The following TSNAX variants were observed in gnomAD, a reference collection of about 807,000 sequenced individuals.
TSNAX encodes translin-associated protein X.
Under a neutral mutation model 33.0 loss-of-function variants are expected in TSNAX, and 12 were observed. That is an observed-to-expected ratio of 0.36 (90% confidence interval 0.23 to 0.59). TSNAX has a LOEUF of 0.59. TSNAX is among the 20% of genes least tolerant of loss of function. The pLI is 0.74. For missense variants in TSNAX, 267 were observed against 341.3 expected, an observed-to-expected ratio of 0.78 and a Z score of 1.72; for synonymous variants, 110 against 117.2, an observed-to-expected ratio of 0.94 and a Z score of 0.40.
At chr1:231,540,197 A>AAC (rs1211288815) in intron 3 of TSNAX, among the ~76,000 whole-genome samples, 1 of 150,886 alleles carries the variant, frequency 6.6e-6, no homozygotes, top group Non-Finnish European at 1.5e-5. Context: ...AAAAAAAAAA[A>AAC]ACTTTATGAA....
intron 4 of TSNAX, among the ~76,000 whole-genome samples, chr1:231,558,694 T>C (rs1660845912): frequency 6.6e-6 from 1 of 151,988 alleles, no homozygotes; most frequent in South Asian, 2.1e-4. Context: ...AAATGAGAAA[T>C]AGAGATTTTC....
intron 4 of TSNAX, among the ~76,000 whole-genome samples, chr1:231,548,880 C>T (rs993592445): frequency 6.6e-6 from 1 of 152,104 alleles, no homozygotes; most frequent in Non-Finnish European, 1.5e-5. Flanking sequence ...GAGAATAAAA[C>T]CAAAGGCTGG....
intron 3 of TSNAX, among the ~76,000 whole-genome samples, chr1:231,540,512 A>G (rs1659507685): frequency 2.0e-5 from 3 of 152,336 alleles, no homozygotes; most frequent in East Asian, 1.9e-4. Context: ...CAGAGAACAT[A>G]CTTTCTATAA....
intron 4 of TSNAX, 90 bp from the exon 5 acceptor site, chr1:231,561,038 C>G: frequency 7.6e-7 from 1 of 1,310,540 alleles, no homozygotes; most frequent in Non-Finnish European, 1.1e-6. Flanking sequence ...TTTTTTTGAA[C>G]TAGATGATGA....
intron 4 of TSNAX, among the ~76,000 whole-genome samples, chr1:231,548,295 A>T (rs1660082209): frequency 6.6e-6 from 1 of 152,268 alleles, no homozygotes; most frequent in Non-Finnish European, 1.5e-5. Flanking sequence ...CTATGTAAAC[A>T]GATGCCTGCA....
At position 231,528,835 on chromosome 1, in the gene TSNAX, C is replaced by CTTAACAACACGGGGCGTTA; in HGVS notation, c.16+12_16+30dup. 6.2e-7 allele frequency: 1 copy of CTTAACAACACGGGGCGTTA among 1,614,212 alleles called. No homozygotes were observed. The highest frequency in any genetic ancestry group is 8.5e-7 in the Non-Finnish European group (1 of 1,180,038). On this transcript the variant is annotated intron_variant, in intron 1 of 5. Coordinates refer to ENST00000366639, the MANE Select transcript of TSNAX (RefSeq NM_005999.3). ...CATGAGCAACAAAGAAGGTGGCGTC[C>CTTAACAACACGGGGCGTTA]TTAACAACACGGGGCGTTATTTATC... is the stretch of plus-strand genomic sequence containing the variant.
In TSNAX at chr1:231,546,587, A is replaced by G. The variant is rs117445022; in HGVS notation, c.367+3976A>G. On this transcript the variant is annotated intron_variant, in intron 4 of 5. Transcript: ENST00000366639. ...ATGGAATAATATAGCTAAAAATTGA[A>G]TTTATCTGTTAATGAGTGAGATTAA... 5.4e-4 allele frequency among the ~76,000 whole-genome samples: 83 copies of G among 152,326 alleles called. No individual in the cohort carries two copies. The East Asian group carries it at 0.016, about 29-fold the overall frequency.
chr1:231,561,765 C>T (rs549169196), intron 5 of TSNAX, among the ~76,000 whole-genome samples: 2 of 152,138 alleles, frequency 1.3e-5, no homozygotes. Flanking sequence ...ACAGGGATCC[C>T]TTGCATCAGG....
At chr1:231,556,463 G>T (rs868409575) in intron 4 of TSNAX, among the ~76,000 whole-genome samples, 12 of 152,338 alleles carry the variant, frequency 7.9e-5, no homozygotes, top group Middle Eastern at 3.4e-3. Context: ...AATATTAGTA[G>T]TATGTTGTTG....
In TSNAX at chr1:231,561,191, G is replaced by T; in HGVS notation, c.431G>T (p.Ser144Ile). The T allele has an allele frequency of 6.2e-7, 1 of 1,600,294 alleles. No individual in the cohort carries two copies. Among genetic ancestry groups the T allele is most frequent in the Non-Finnish European group, 8.6e-7 (1 of 1,169,008 alleles). Residue 144 changes from serine to isoleucine, a missense_variant, in exon 5 of 6, where the codon AGT (serine) becomes ATT (isoleucine). Ser to Ile is a moderately radical substitution (Grantham distance 142). Transcript: ENST00000366639. ...TTCATCAAAACACGATCATTAATTAGTATGGATGAAATTAATAAACAATTG... is the reference window on the plus strand; with the variant it reads ...TTCATCAAAACACGATCATTAATTATTATGGATGAAATTAATAAACAATTG... ...QHFIKTRSLI[S>I]MDEINKQLIF...
At chr1:231,555,992 G>C (rs1013045076) in intron 4 of TSNAX, among the ~76,000 whole-genome samples, 4 of 152,122 alleles carry the variant, frequency 2.6e-5, no homozygotes, top group African/African-American at 9.7e-5. Flanking sequence ...AGAGGGGAAA[G>C]AAAAGCAATA....
chr1:231,564,147 A>G (rs1055172664), intron 5 of TSNAX, among the ~76,000 whole-genome samples: 1 of 152,238 alleles, frequency 6.6e-6, no homozygotes. Flanking sequence ...TTAATGGATC[A>G]CAAACTTGGA....
rs561069194 is a variant in TSNAX, at chr1:231,543,393, A to G, written c.367+782A>G. 3.3e-5 allele frequency among the ~76,000 whole-genome samples: 5 copies of G among 151,830 alleles called. No homozygotes were observed. The South Asian group carries it at 1.0e-3, about 32-fold the overall frequency. ...AAGTGTTTCAGATTTTGAGTGTTGA[A>G]ATATTCACAGTTTACTGCTTGAGCA... On this transcript the variant is annotated intron_variant, in intron 4 of 5. Transcript: ENST00000366639.
intron 4 of TSNAX, among the ~76,000 whole-genome samples, chr1:231,545,163 A>G (rs1323467888): frequency 6.6e-6 from 1 of 152,232 alleles, no homozygotes; most frequent in African/African-American, 2.4e-5. Flanking sequence ...TGATAAAATA[A>G]GGTTATTTAT....
At chr1:231,557,858 G>C (rs1660789994) in intron 4 of TSNAX, among the ~76,000 whole-genome samples, 1 of 152,090 alleles carries the variant, frequency 6.6e-6, no homozygotes, top group African/African-American at 2.4e-5. Context: ...GTATTCATCA[G>C]GCTCCAAACA....
intron 4 of TSNAX, among the ~76,000 whole-genome samples, chr1:231,558,548 A>G (rs1173629634): frequency 6.6e-6 from 1 of 152,124 alleles, no homozygotes; most frequent in Non-Finnish European, 1.5e-5. Flanking sequence ...AGTGACAAAC[A>G]TCCTTATATG....
intron 4 of TSNAX, among the ~76,000 whole-genome samples, chr1:231,560,576 G>A (rs963054100): frequency 1.7e-4 from 26 of 151,014 alleles, no homozygotes; most frequent in Middle Eastern, 3.4e-3. Flanking sequence ...CACCACACCC[G>A]GCTAATATTT....
At chr1:231,555,388 G>A (rs1572139344) in intron 4 of TSNAX, among the ~76,000 whole-genome samples, 1 of 152,262 alleles carries the variant, frequency 6.6e-6, no homozygotes, top group African/African-American at 2.4e-5. Flanking sequence ...AATGGTGGTT[G>A]GCAGGAGCTG....
Position 231,564,568 on chromosome 1 carries a change from G to A in TSNAX, c.536G>A (p.Arg179Lys), listed in dbSNP as rs1422606447. ...DAQDKQFGTW[R>K]LRVTPVDYLL... ...CAGGATAAGCAGTTTGGTACTTGGAGACTGAGAGTCACACCTGTCGATTAC... is the reference window on the plus strand; with the variant it reads ...CAGGATAAGCAGTTTGGTACTTGGAAACTGAGAGTCACACCTGTCGATTAC... Residue 179 changes from arginine (R) to lysine (K), a missense_variant, in exon 6 of 6, where the codon AGA becomes AAA. By Grantham distance (26) the Arg-to-Lys change is conservative (BLOSUM62 2). This residue lies in a region of TSNAX where 200 missense variants were observed against 214.1 expected (regional missense o/e 0.93). Transcript: ENST00000366639. 2 of 1,614,042 alleles carry A rather than the reference G, an allele frequency of 1.2e-6. No individual in the cohort carries two copies. The highest frequency in any genetic ancestry group is 1.7e-6 in the Non-Finnish European group (2 of 1,179,996).
Sources: gnomAD v4.1 joint callset for allele counts (sites outside exome capture counted in the v4.1 genomes callset) on GRCh38, gnomAD v4.1.1 for gene constraint, gnomAD v4.1.1 regional missense constraint, MANE v1.5 for transcripts, NCBI Gene and HGNC (gene_info 2026-07-23, HGNC 2026-07-21) for gene names.